Variants in ZC3H4 observed in about 807,000 individuals in gnomAD.
ZC3H4 encodes the protein zinc finger CCCH-type containing 4.
ZC3H4 carries 13 observed loss-of-function variants against 108.3 expected under a neutral mutation model. The ratio of observed to expected loss-of-function variants is 0.12; its 90% CI spans 0.08 to 0.19. The LOEUF is 0.19. Ranked by LOEUF, ZC3H4 falls within the 10% of genes least tolerant of loss-of-function variation. The probability of loss-of-function intolerance (pLI) is 1.00; values close to 1 mark genes in which losing one functional copy is unlikely to be tolerated. For synonymous variants in ZC3H4, 917 were observed against 749.6 expected (o/e 1.22, Z -3.65); for missense variants, 1,734 against 1,838.8 (o/e 0.94, Z 1.04).
intron 4 of ZC3H4, 24 bp downstream of exon 4, chr19:47,093,946 C>T (rs1190851043): frequency 4.4e-6 from 7 of 1,598,172 alleles, no homozygotes; most frequent in Non-Finnish European, 6.0e-6. Flanking sequence ...CCCCAGAGCT[C>T]AGCAGTGCAT....
chr19:47,080,456 C>T (rs953851284), intron 11 of ZC3H4, among the ~76,000 whole-genome samples: 2 of 152,154 alleles, frequency 1.3e-5, no homozygotes, highest in African/African-American at 4.8e-5. Context: ...GACTTTTCCA[C>T]CAAAATACAA....
chr19:47,080,212 C>A (rs2057496446), intron 11 of ZC3H4, among the ~76,000 whole-genome samples: 2 of 152,208 alleles, frequency 1.3e-5, no homozygotes, highest in African/African-American at 4.8e-5. Context: ...CACTCACTCC[C>A]CAGATGAATC....
At chr19:47,110,755 C>G (rs978792984) in intron 2 of ZC3H4, 2 of 322,148 alleles carry the variant, frequency 6.2e-6, no homozygotes, top group African/African-American at 4.5e-5. Context: ...GGCCCGGAAG[C>G]CCAACGAGGG....
intron 2 of ZC3H4, chr19:47,112,103 A>T: frequency 9.6e-7 from 1 of 1,040,282 alleles, no homozygotes; most frequent in Non-Finnish European, 1.2e-6. Flanking sequence ...CCCCCTCCCC[A>T]GGACAGGCGG....
At chr19:47,107,094 A>C (rs2057977247) in intron 2 of ZC3H4, among the ~76,000 whole-genome samples, 1 of 152,236 alleles carries the variant, frequency 6.6e-6, no homozygotes, top group South Asian at 2.1e-4. Context: ...TTGAGCATCC[A>C]TAAAAAGACA....
rs1182633869 is a variant in ZC3H4 at position 47,067,680 on chromosome 19, C to T, written c.2588G>A (p.Arg863His). Residue 863 changes from arginine (R) to histidine (H), a missense_variant, in exon 15 of 15, where the codon CGC becomes CAC. By Grantham distance (29) the Arg-to-His change is conservative (BLOSUM62 0). This residue lies in a region of ZC3H4 where 540 missense variants were observed against 484.1 expected (regional missense o/e 1.12). Coordinates refer to ENST00000253048, the MANE Select transcript of ZC3H4 (RefSeq NM_015168.2). This position sits in a 1 kb window ranked among gnomAD's most constrained non-coding sequence, Gnocchi z 6.4. ...GGTGAGTCTGGGGTCCCGGCTGAGG[C>T]GAGGGTCAGCCAGCCGGCTTCCTGT... ...HPTGSRLADP[R>H]LSRDPRLTRH... 2 of 1,599,758 alleles carry T rather than the reference C, an allele frequency of 1.3e-6. No homozygotes were observed. Among genetic ancestry groups the T allele is most frequent in the Non-Finnish European group, 1.7e-6 (2 of 1,175,208 alleles).
At chr19:47,093,236 A>AAAAAAG (rs1568558137) in intron 4 of ZC3H4, among the ~76,000 whole-genome samples, 1 of 151,934 alleles carries the variant, frequency 6.6e-6, no homozygotes, top group East Asian at 1.9e-4. Context: ...AAAAAAAAAA[A>AAAAAAG]AAAATGATTT....
intron 2 of ZC3H4, among the ~76,000 whole-genome samples, chr19:47,102,898 C>T (rs2057921857): frequency 6.6e-6 from 1 of 152,178 alleles, no homozygotes; most frequent in Admixed American, 6.5e-5. Flanking sequence ...AGTGTCCACT[C>T]TGGGGTTTGT....
chr19:47,096,381 C>T (rs905966316), intron 2 of ZC3H4, among the ~76,000 whole-genome samples: 2 of 152,248 alleles, frequency 1.3e-5, no homozygotes, highest in South Asian at 2.1e-4. Context: ...GGTGCCTTCC[C>T]GCTGGGGTGC....
chr19:47,090,337 G>GA, intron 4 of ZC3H4, 148 bp from the exon 5 acceptor site: 1 of 827,166 alleles, frequency 1.2e-6, no homozygotes, highest in Non-Finnish European at 1.9e-6. Context: ...CAGCCCCTCT[G>GA]GGGACTGGTT....
At chr19:47,107,675 G>C (rs958251164) in intron 2 of ZC3H4, among the ~76,000 whole-genome samples, 3 of 146,106 alleles carry the variant, frequency 2.1e-5, no homozygotes, top group Non-Finnish European at 4.5e-5. Context: ...AAAAAAAAAA[G>C]TAACAGGACA....
In ZC3H4 at chr19:47,096,883, G is replaced by C. The variant is rs558910534; in HGVS notation, c.162-2275C>G. ...AGGGCTGGGTCAGCTGAGCCGGAGT[G>C]GGTGGCAGCCTCAGCACGCCCTCCC... is the stretch of plus-strand genomic sequence containing the variant. On this transcript the variant is annotated intron_variant, in intron 2 of 14. Transcript: ENST00000253048. The C allele has an allele frequency of 1.0e-5, 10 of 985,358 alleles. No homozygotes were observed. In the South Asian group the frequency reaches 4.2e-4, roughly 42 times the overall value. 61.0% of individuals were successfully genotyped at this position (985,358 alleles called of 1,614,324 possible).
chr19:47,111,627 G>T (rs910115688), intron 2 of ZC3H4, among the ~76,000 whole-genome samples: 1 of 135,738 alleles, frequency 7.4e-6, no homozygotes, highest in Admixed American at 7.7e-5. Context: ...GCAAAAACAC[G>T]GGGAAGAGTC....
intron 11 of ZC3H4, among the ~76,000 whole-genome samples, chr19:47,075,926 C>T (rs755091242): frequency 1.7e-4 from 26 of 152,166 alleles, no homozygotes; most frequent in Non-Finnish European, 3.1e-4. Context: ...CTGGCCCCTC[C>T]ACCAGCAAAG....
intron 11 of ZC3H4, among the ~76,000 whole-genome samples, chr19:47,077,596 G>A (rs749150487): frequency 2.0e-5 from 3 of 152,114 alleles, no homozygotes; most frequent in Admixed American, 6.5e-5. Context: ...GCTCACGCCC[G>A]TTATCCCAGC....
At position 47,066,370 on chromosome 19, in the gene ZC3H4, G is replaced by T; in HGVS notation, c.3898C>A (p.Pro1300Thr). Residue 1300 changes from proline to threonine, a missense_variant, in exon 15 of 15, where the codon CCC becomes ACC. Coordinates refer to ENST00000253048, the MANE Select transcript of ZC3H4 (RefSeq NM_015168.2). ...VFKGFDPTAS[P>T]FCQ Reference sequence around the variant, plus strand: ...CTGGCTGGACACTACTGGCAAAAGGGGGAGGCCGTGGGGTCGAAGCCTTTA... The same window carrying T: ...CTGGCTGGACACTACTGGCAAAAGGTGGAGGCCGTGGGGTCGAAGCCTTTA... 1 of 1,555,902 alleles carries T rather than the reference G, an allele frequency of 6.4e-7. No homozygotes were observed. Among genetic ancestry groups the T allele is most frequent in the East Asian group, 2.3e-5 (1 of 43,770 alleles).
At position 47,072,015 on chromosome 19, in the gene ZC3H4, G is replaced by A. The variant is rs569170414; in HGVS notation, c.1909C>T (p.His637Tyr). ...TGCATGTCAGGGTGCATGTCCGGGT[G>A]CATGTCGGGGTGCATGTCAGGATGC... ...PMHPDMHPDM[H>Y]PDMHPDMHAD... Residue 637 changes from histidine to tyrosine, a missense_variant, in exon 13 of 15, where the codon CAC becomes TAC. Coordinates refer to ENST00000253048, the MANE Select transcript of ZC3H4 (RefSeq NM_015168.2). This position sits in a 1 kb window ranked among gnomAD's most constrained non-coding sequence, Gnocchi z 5.6. 1.9e-6 allele frequency: 3 copies of A among 1,591,358 alleles called. No individual in the cohort carries two copies. The highest frequency in any genetic ancestry group is 2.3e-5 in the South Asian group (2 of 88,506).
chr19:47,112,711 C>G (rs2058056422), intron 1 of ZC3H4, 122 bp from the exon 2 acceptor site: 1 of 517,906 alleles, frequency 1.9e-6, no homozygotes, highest in African/African-American at 2.0e-5. Flanking sequence ...GTTTCGGAAT[C>G]ACCTCTGCGC....
chr19:47,094,190 A>C, intron 3 of ZC3H4, 110 bp from the exon 4 acceptor site: 1 of 1,157,654 alleles, frequency 8.6e-7, no homozygotes, highest in Non-Finnish European at 1.3e-6. Flanking sequence ...TCTGCGCTTC[A>C]CCTGAAACAC....
Sources: gnomAD v4.1 joint callset for allele counts (sites outside exome capture counted in the v4.1 genomes callset) on GRCh38, gnomAD v4.1.1 for gene constraint, gnomAD v4.1.1 regional missense constraint, Gnocchi (gnomAD v3.1) non-coding constraint, MANE v1.5 for transcripts, NCBI Gene and HGNC (gene_info 2026-07-23, HGNC 2026-07-21) for gene names.